The following TAOK1 variants were observed in gnomAD, a reference collection of about 807,000 sequenced individuals.
The protein encoded by TAOK1 is serine/threonine-protein kinase TAO1.
Under a neutral mutation model 138.3 loss-of-function variants are expected in TAOK1, and 21 were observed. The ratio of observed to expected loss-of-function variants is 0.15; its 90% confidence interval spans 0.11 to 0.22. TAOK1 has a LOEUF of 0.22. Among genes scored for constraint, TAOK1 ranks in the 10% least tolerant of loss-of-function variants. The pLI is 1.00. For missense variants in TAOK1, 651 were observed against 1,227.7 expected, an observed-to-expected ratio of 0.53 and a Z score of 7.02; for synonymous variants, 361 against 398.4, an observed-to-expected ratio of 0.91 and a Z score of 1.12.
At chr17:29,409,499 A>G (rs1254902501) in intron 1 of TAOK1, among the ~76,000 whole-genome samples, 2 of 151,176 alleles carry the variant, frequency 1.3e-5, no homozygotes. Context: ...ATATCTGGCT[A>G]ATTTTTTGTA....
rs1598535990 is a variant in TAOK1, at chr17:29,547,739, C to T, written c.*4717C>T. The T allele has an allele frequency of 2.6e-5, 4 of 152,046 alleles. No homozygotes were observed. The East Asian group carries it at 7.7e-4, about 29-fold the overall frequency. 9.4% of individuals were successfully genotyped at this position (152,046 alleles called of 1,614,324 possible). A position where few individuals can be genotyped will look rare whatever the true frequency, so the allele number is the denominator to read the frequency against. ...ACAAATTATCTATTTTGTTTTCCCC[C>T]ATCTAACATGATAGTGCCCCCAACC... On this transcript the variant is annotated 3_prime_UTR_variant, in exon 20 of 20. Coordinates refer to ENST00000261716, the MANE Select transcript of TAOK1 (RefSeq NM_020791.4).
intron 12 of TAOK1, among the ~76,000 whole-genome samples, chr17:29,499,017 A>G (rs1279988234): frequency 1.3e-5 from 2 of 152,144 alleles, no homozygotes; most frequent in Non-Finnish European, 2.9e-5. Context: ...ATGTTTTGAG[A>G]ATACAAAAAG....
rs765324851 is a variant in TAOK1 at position 29,495,552 on chromosome 17, C to G, written c.832-8C>G. ...AAAAATCAACCTTTTACCTTCTACCCTATCTAGCACATATTTGTTCTTCGG... is the reference window on the plus strand; with the variant it reads ...AAAAATCAACCTTTTACCTTCTACCGTATCTAGCACATATTTGTTCTTCGG... On this transcript the variant is annotated splice_polypyrimidine_tract_variant and splice_region_variant and intron_variant, in intron 10 of 19. Transcript: ENST00000261716. 1 of 1,565,524 alleles carries G rather than the reference C, an allele frequency of 6.4e-7. No individual in the cohort carries two copies. The highest frequency in any genetic ancestry group is 8.7e-7 in the Non-Finnish European group (1 of 1,153,168).
At chr17:29,424,048 C>CA (rs34530466) in intron 1 of TAOK1, among the ~76,000 whole-genome samples, 1,653 of 112,768 alleles carry the variant, frequency 0.015, 14 homozygotes, top group Middle Eastern at 0.03. Flanking sequence ...GACCCTGTCT[C>CA]AAAAAAAAAA....
chr17:29,521,231 T>C (rs1428658425), intron 16 of TAOK1, among the ~76,000 whole-genome samples: 1 of 151,772 alleles, frequency 6.6e-6, no homozygotes, highest in African/African-American at 2.4e-5. Flanking sequence ...GGGGAGAGAG[T>C]CTGCAAAGGC....
intron 1 of TAOK1, among the ~76,000 whole-genome samples, chr17:29,443,025 G>A (rs28535978): frequency 2.9e-3 from 447 of 152,154 alleles, no homozygotes; most frequent in African/African-American, 0.01. Context: ...TGTGTCTATC[G>A]AGGGAGGATA....
At chr17:29,489,281 TGAGCTCAA>T (rs1197847922) in intron 8 of TAOK1, among the ~76,000 whole-genome samples, 2 of 152,146 alleles carry the variant, frequency 1.3e-5, no homozygotes, top group Non-Finnish European at 2.9e-5. Flanking sequence ...GAGGATCACT[TGAGCTCAA>T]GAGTTCAAGA....
intron 3 of TAOK1, among the ~76,000 whole-genome samples, chr17:29,472,647 C>T (rs1171570856): frequency 6.7e-6 from 1 of 149,644 alleles, no homozygotes; most frequent in Non-Finnish European, 1.5e-5. Context: ...TATCTCGGCT[C>T]ACCGCAACCT....
At chr17:29,429,071 A>G (rs1380035180) in intron 1 of TAOK1, among the ~76,000 whole-genome samples, 1 of 151,998 alleles carries the variant, frequency 6.6e-6, no homozygotes, top group East Asian at 1.9e-4. Context: ...CAGGTGCTAT[A>G]GTTTGTTATC....
At position 29,545,649 on chromosome 17, in the gene TAOK1, T is replaced by C. The variant is rs2032390346; in HGVS notation, c.*2627T>C. 6.6e-6 allele frequency: 1 copy of C among 152,192 alleles called. No individual in the cohort carries two copies. Among genetic ancestry groups the C allele is most frequent in the Non-Finnish European group, 1.5e-5 (1 of 68,010 alleles). 9.4% of individuals were successfully genotyped at this position (152,192 alleles called of 1,614,324 possible). On this transcript the variant is annotated 3_prime_UTR_variant, in exon 20 of 20. Transcript: ENST00000261716. ...TGATTCAAATTAATTGGTTTGTATA[T>C]GTTTGTGAGATCTAGCTTCTGAGGA...
At chr17:29,539,248 C>A (rs2032273969) in intron 19 of TAOK1, among the ~76,000 whole-genome samples, 1 of 151,592 alleles carries the variant, frequency 6.6e-6, no homozygotes, top group South Asian at 2.1e-4. Flanking sequence ...GGGCAACAGA[C>A]CAGACCCTGT....
intron 16 of TAOK1, among the ~76,000 whole-genome samples, chr17:29,518,750 C>CTTTTATTTATTTA (rs11271070): frequency 6.6e-6 from 1 of 150,390 alleles, no homozygotes; most frequent in African/African-American, 2.4e-5. Context: ...TTTATTTTTA[C>CTTTTATTTATTTA]TTTATCTATT....
At chr17:29,495,514 C>T (rs2031394290) in intron 10 of TAOK1, 46 bp from the exon 11 acceptor site, 3 of 1,503,036 alleles carry the variant, frequency 2.0e-6, no homozygotes, top group African/African-American at 1.4e-5. Flanking sequence ...AGTACCTTGT[C>T]ACTAATTGAA....
intron 13 of TAOK1, among the ~76,000 whole-genome samples, chr17:29,504,276 CAAAAAAAAAAA>C (rs71138826): frequency 2.4e-5 from 1 of 40,848 alleles, no homozygotes; most frequent in Non-Finnish European, 4.4e-5. Flanking sequence ...GACCCTGTCT[CAAAAAAAAAAA>C]AAAAAAAAAA....
intron 15 of TAOK1, among the ~76,000 whole-genome samples, chr17:29,516,501 ATT>A (rs36052568): frequency 4.7e-5 from 6 of 126,928 alleles, no homozygotes; most frequent in Non-Finnish European, 4.9e-5. Flanking sequence ...CACCTGGCTA[ATT>A]TTTTTTTTTT....
chr17:29,498,392 C>G lies in TAOK1; in HGVS notation c.1074C>G (p.Ser358=), dbSNP rs2031453119. 1 of 1,614,046 alleles carries G rather than the reference C, an allele frequency of 6.2e-7. No homozygotes were observed. The highest frequency in any genetic ancestry group is 1.1e-5 in the South Asian group (1 of 91,082). ...GTAATCAATCCATTCCCAGCATGTC[C>G]ATCAGTGCCAGCAGCCAAAGCAGTA... The part of the protein sequence containing the change: ...VGSNQSIPSM[S]ISASSQSSSV... Residue 358 remains serine, a synonymous_variant, in exon 12 of 20, where the codon TCC becomes TCG. Transcript: ENST00000261716.
At chr17:29,519,526 AAAAG>A (rs1478576860) in intron 16 of TAOK1, among the ~76,000 whole-genome samples, 1 of 148,592 alleles carries the variant, frequency 6.7e-6, no homozygotes, top group African/African-American at 2.6e-5. Context: ...CTCAGAAAAA[AAAAG>A]AAAAGAAAAG....
intron 11 of TAOK1, 36 bp downstream of exon 11, chr17:29,495,763 T>C: frequency 1.3e-6 from 2 of 1,493,236 alleles, no homozygotes; most frequent in Non-Finnish European, 1.8e-6. Flanking sequence ...TATTGAATTT[T>C]CACTTTTGGT....
At chr17:29,518,151 T>C (rs1341753426) in intron 16 of TAOK1, among the ~76,000 whole-genome samples, 1 of 152,192 alleles carries the variant, frequency 6.6e-6, no homozygotes, top group Admixed American at 6.5e-5. Flanking sequence ...CTACCATGCC[T>C]GGACTGCACC....
Sources: allele counts gnomAD v4.1 joint callset (sites outside exome capture counted in the v4.1 genomes callset), GRCh38; gene constraint gnomAD v4.1.1; transcripts MANE v1.5; gene names NCBI Gene and HGNC (gene_info 2026-07-23, HGNC 2026-07-21).